COL6A6: variants seen among roughly 807,000 people sequenced by gnomAD.
The protein encoded by COL6A6 is collagen alpha-6(VI) chain.
Under a neutral mutation model 208.6 loss-of-function variants are expected in COL6A6, and 183 were observed. That is an observed-to-expected ratio of 0.88 (90% confidence interval 0.78 to 0.99). The LOEUF (loss-of-function observed/expected upper bound fraction) is 0.99, where lower values mean the gene tolerates loss of function less well. Ranked by LOEUF, COL6A6 falls within the 50% of genes least tolerant of loss-of-function variation. The pLI, the probability that COL6A6 is intolerant of heterozygous loss-of-function variation, is 0.00. For missense variants in COL6A6, 2,816 were observed against 2,815.2 expected (o/e 1.00, Z -0.01); for synonymous variants, 973 against 1,011.8 (o/e 0.96, Z 0.73).
chr3:130,562,457 T>G (rs1035276150), intron 2 of COL6A6, among the ~76,000 whole-genome samples: 7 of 152,200 alleles, frequency 4.6e-5, no homozygotes, highest in African/African-American at 1.7e-4. Flanking sequence ...TTAAGATATT[T>G]AAAATAACCT....
In COL6A6 at chr3:130,675,296, A is replaced by G. The variant is rs764497381; in HGVS notation, c.6691A>G (p.Arg2231Gly). The change falls in exon 37 of 37, where the codon AGA becomes GGA. Residue 2231 changes from arginine to glycine, a missense_variant. By Grantham distance (125) the Arg-to-Gly change is moderately radical. Transcript: ENST00000358511. ...TAAAAAATATCTTTCAAGAGTAGCA[A>G]GAAGTGGCAGAGATGATGCTATTCA... ...QDKKYLSRVARSGRDDAIQNF... is the reference protein window; with the variant it reads ...QDKKYLSRVAGSGRDDAIQNF... 1.3e-6 allele frequency: 2 copies of G among 1,593,170 alleles called. No individual in the cohort carries two copies. Among genetic ancestry groups the G allele is most frequent in the South Asian group, 1.1e-5 (1 of 87,500 alleles).
Position 130,661,695 on chromosome 3 carries a change from C to A in COL6A6, c.5889C>A (p.Tyr1963Ter), listed in dbSNP as rs778976446. ...DQARPPPVQS[Y>*]MDAAFLLDAS... ...CCAGACCACCCCCTGTGCAGTCTTA[C>A]ATGGATGCTGCTTTCCTTCTGGATG... The change falls in exon 35 of 37, where the codon TAC becomes TAA. Residue 1963 changes from tyrosine to a stop codon, truncating the protein, a stop_gained. Coordinates refer to ENST00000358511, the MANE Select transcript of COL6A6 (RefSeq NM_001102608.3). LOFTEE classifies it high-confidence loss of function. 7 of 1,613,828 alleles carry A rather than the reference C, an allele frequency of 4.3e-6. No individual in the cohort carries two copies. Among genetic ancestry groups the A allele is most frequent in the Non-Finnish European group, 5.9e-6 (7 of 1,179,858 alleles).
At chr3:130,555,990 G>A (rs931560756) in intron 1 of COL6A6, among the ~76,000 whole-genome samples, 1 of 151,976 alleles carries the variant, frequency 6.6e-6, no homozygotes, top group African/African-American at 2.4e-5. Flanking sequence ...ACCAAGTAGT[G>A]TACATTGTAC....
chr3:130,622,339 T>C (rs1449390872), intron 24 of COL6A6, among the ~76,000 whole-genome samples: 1 of 152,062 alleles, frequency 6.6e-6, no homozygotes, highest in East Asian at 1.9e-4. Flanking sequence ...TTTTGGTCAT[T>C]GATTCCATCC....
chr3:130,627,023 T>A (rs74983512), intron 25 of COL6A6, among the ~76,000 whole-genome samples: 1 of 152,172 alleles, frequency 6.6e-6, no homozygotes, highest in African/African-American at 2.4e-5. Context: ...ATTGAAAGAT[T>A]ATTATATGCC....
At chr3:130,573,809 T>A in intron 7 of COL6A6, 147 bp from the exon 8 acceptor site, 1 of 592,860 alleles carries the variant, frequency 1.7e-6, no homozygotes, top group South Asian at 2.0e-5. Flanking sequence ...GACCTTGTGA[T>A]CTGCCCGCCT....
chr3:130,662,623 T>G (rs996647815), intron 35 of COL6A6, among the ~76,000 whole-genome samples: 2 of 152,164 alleles, frequency 1.3e-5, no homozygotes, highest in Non-Finnish European at 2.9e-5. Context: ...GCCTGGACTT[T>G]AGCTACAAAG....
intron 36 of COL6A6, among the ~76,000 whole-genome samples, chr3:130,674,044 A>C (rs1487386946): frequency 6.6e-6 from 1 of 152,192 alleles, no homozygotes; most frequent in Non-Finnish European, 1.5e-5. Context: ...TTACACCTGA[A>C]GAAACAAGGG....
chr3:130,541,582 G>C (rs1054161894), intron 1 of COL6A6, among the ~76,000 whole-genome samples: 6 of 152,184 alleles, frequency 3.9e-5, no homozygotes, highest in Admixed American at 3.9e-4. Flanking sequence ...ATGAATCAGA[G>C]TTCATATTGT....
intron 33 of COL6A6, among the ~76,000 whole-genome samples, chr3:130,654,584 T>C (rs1490782606): frequency 6.6e-6 from 1 of 152,232 alleles, no homozygotes; most frequent in Admixed American, 6.5e-5. Flanking sequence ...ACACACATCC[T>C]AAGTAGAATT....
In COL6A6 at chr3:130,592,680, G is replaced by A; in HGVS notation, c.4345-16G>A. The A allele has an allele frequency of 6.2e-7, 1 of 1,613,042 alleles. No individual in the cohort carries two copies. The highest frequency in any genetic ancestry group is 8.5e-7 in the Non-Finnish European group (1 of 1,179,270). ...ACATTTTCCTACACTAACTATAACT[G>A]TCCTTTTATTTTCAGGGAAACAGAG... On this transcript the variant is annotated splice_polypyrimidine_tract_variant and intron_variant, in intron 14 of 36. Coordinates refer to ENST00000358511, the MANE Select transcript of COL6A6 (RefSeq NM_001102608.3).
chr3:130,534,960 T>C (rs3993281), intron 1 of COL6A6, among the ~76,000 whole-genome samples: 102,775 of 152,026 alleles, frequency 0.68, 38,939 homozygotes, highest in Non-Finnish European at 0.85. Context: ...CATCTATCGA[T>C]ATGAATGACA....
intron 33 of COL6A6, among the ~76,000 whole-genome samples, chr3:130,651,978 TGAA>T (rs1242218453): frequency 1.3e-5 from 2 of 152,236 alleles, no homozygotes; most frequent in East Asian, 1.9e-4. Context: ...ACTCCTTTTT[TGAA>T]GAAGTTCATC....
At chr3:130,634,357 T>C (rs1429786578) in intron 26 of COL6A6, among the ~76,000 whole-genome samples, 1 of 152,014 alleles carries the variant, frequency 6.6e-6, no homozygotes, top group Non-Finnish European at 1.5e-5. Context: ...TTCAGATGTA[T>C]ACTTTTAGCC....
In COL6A6 at chr3:130,675,477, T is replaced by G; in HGVS notation, c.*80T>G. 3.8e-6 allele frequency: 4 copies of G among 1,053,054 alleles called. No homozygotes were observed. Among genetic ancestry groups the G allele is most frequent in the Non-Finnish European group, 4.1e-6 (3 of 739,966 alleles). 65.2% of individuals were successfully genotyped at this position (1,053,054 alleles called of 1,614,324 possible). On this transcript the variant is annotated 3_prime_UTR_variant, in exon 37 of 37. Transcript: ENST00000358511. ...TAGTAACTAAATCTGCTGCCAGAACTCAAGCAACAGTTTGTAGGTTATCAG... is the reference window on the plus strand; with the variant it reads ...TAGTAACTAAATCTGCTGCCAGAACGCAAGCAACAGTTTGTAGGTTATCAG...
intron 36 of COL6A6, among the ~76,000 whole-genome samples, chr3:130,671,467 G>C (rs1220484391): frequency 6.6e-6 from 1 of 152,170 alleles, no homozygotes; most frequent in Admixed American, 6.5e-5. Flanking sequence ...GGGGCATCAA[G>C]GAATTGAGAC....
Position 130,662,169 on chromosome 3 carries a change from C to T in COL6A6, c.6363C>T (p.Gly2121=). Residue 2121 remains glycine, a synonymous_variant, in exon 35 of 37, where the codon GGC becomes GGT. Coordinates refer to ENST00000358511, the MANE Select transcript of COL6A6 (RefSeq NM_001102608.3). The stretch of plus-strand genomic sequence containing the variant: ...ATGCCTTATTTGTGTTTTCCCTTGG[C>T]CCTATTTGGGATGACAAGGAACTGG... ...QGYALFVFSL[G]PIWDDKELED... 1 of 1,613,686 alleles carries T rather than the reference C, an allele frequency of 6.2e-7. No homozygotes were observed. Among genetic ancestry groups the T allele is most frequent in the Non-Finnish European group, 8.5e-7 (1 of 1,179,624 alleles).
rs1355219095 is a variant in COL6A6, at chr3:130,592,547, A to G, written c.4279A>G (p.Arg1427Gly). Residue 1427 changes from arginine (R) to glycine (G), a missense_variant, in exon 14 of 37, where the codon AGA (arginine) becomes GGA (glycine). Transcript: ENST00000358511. ...GATATGTGCCCTTTCTCAGGGAGAA[A>G]GAGGAGCCCCTGGACCAGTGGGAGA... is the stretch of plus-strand genomic sequence containing the variant. ...YLGEEGIAGE[R>G]GAPGPVGEQG... is the part of the protein sequence containing the mutation. 2 of 1,601,994 alleles carry G rather than the reference A, an allele frequency of 1.2e-6. No homozygotes were observed. The highest frequency in any genetic ancestry group is 1.7e-6 in the Non-Finnish European group (2 of 1,172,894).
At chr3:130,567,398 A>G in intron 5 of COL6A6, 136 bp downstream of exon 5, 1 of 703,266 alleles carries the variant, frequency 1.4e-6, no homozygotes, top group Non-Finnish European at 2.4e-6. Context: ...TGTGTTCTCT[A>G]GAACAAAGCT....
Sources: gnomAD v4.1 joint callset for allele counts (sites outside exome capture counted in the v4.1 genomes callset) on GRCh38, gnomAD v4.1.1 for gene constraint, MANE v1.5 for transcripts, NCBI Gene and HGNC (gene_info 2026-07-23, HGNC 2026-07-21) for gene names.